Variants in ARL13B observed in about 807,000 individuals in gnomAD.
The protein encoded by ARL13B is ARF like GTPase 13B, also known as ADP-ribosylation factor-like protein 13B.
A neutral mutation model predicts 56.1 loss-of-function variants in ARL13B; 36 were observed. The observed-to-expected ratio is 0.64, with a 90% CI of 0.49 to 0.85. The LOEUF is 0.85. ARL13B is among the 40% of genes least tolerant of loss of function. The pLI, the probability that ARL13B is intolerant of heterozygous loss-of-function variation, is 0.00. For missense variants in ARL13B, 519 were observed against 507.1 expected (o/e 1.02, Z -0.23); for synonymous variants, 178 against 171.1 (o/e 1.04, Z -0.32).
chr3:94,033,277 C>T (rs1237347650), intron 3 of ARL13B, among the ~76,000 whole-genome samples: 1 of 152,062 alleles, frequency 6.6e-6, no homozygotes, highest in Non-Finnish European at 1.5e-5. Context: ...CATTATTAAG[C>T]TTATGGTTAC....
rs1387286949 is a variant in ARL13B at position 94,055,114 on chromosome 3, CTCAA to C, written c.*1852_*1855del. The C allele has an allele frequency of 2.7e-6, 1 of 365,482 alleles. No homozygotes were observed. The highest frequency in any genetic ancestry group is 2.2e-5 in the African/African-American group (1 of 46,080). The allele number at this position is 365,482 out of a possible 1,614,324, so 22.6% of individuals were successfully genotyped here. On this transcript the variant is annotated 3_prime_UTR_variant, in exon 10 of 10. Transcript: ENST00000394222. The stretch of plus-strand genomic sequence containing the variant: ...TAGAATTCACATTTTATATAGCTCT[CTCAA>C]AAATTAATTTTTATTCCTTAAGCAT...
chr3:94,051,446 T>C (rs2077065971), intron 9 of ARL13B, among the ~76,000 whole-genome samples: 1 of 152,104 alleles, frequency 6.6e-6, no homozygotes, highest in Admixed American at 6.5e-5. Context: ...AAGAGAACAG[T>C]TTTCTTTGAA....
At chr3:94,032,285 C>A (rs2076689404) in intron 3 of ARL13B, among the ~76,000 whole-genome samples, 1 of 152,196 alleles carries the variant, frequency 6.6e-6, no homozygotes, top group African/African-American at 2.4e-5. Flanking sequence ...AGATGGCCAA[C>A]AAGCATATGA....
intron 3 of ARL13B, among the ~76,000 whole-genome samples, chr3:94,024,827 A>G (rs1003347373): frequency 1.1e-4 from 17 of 152,090 alleles, no homozygotes; most frequent in Non-Finnish European, 2.4e-4. Context: ...GGCTCAAGCA[A>G]TCTTCCCACC....
Position 94,049,495 on chromosome 3 carries a change from C to T in ARL13B, c.1114C>T (p.Pro372Ser). The change falls in exon 8 of 10, where the codon CCA (proline) becomes TCA (serine). Residue 372 changes from proline (P) to serine (S), a missense_variant. Physicochemically the swap from Pro to Ser is moderately conservative, Grantham distance 74 (BLOSUM62 -1). Coordinates refer to ENST00000394222, the MANE Select transcript of ARL13B (RefSeq NM_001174150.2). Reference sequence around the variant, plus strand: ...TATAGATGACTGTGCTCCTGAGAGTCCAACGCCACCCCCACCCCCTCCTCC... The same window carrying T: ...TATAGATGACTGTGCTCCTGAGAGTTCAACGCCACCCCCACCCCCTCCTCC... ...LNIDDCAPES[P>S]TPPPPPPPVG... The T allele has an allele frequency of 6.2e-7, 1 of 1,610,448 alleles. No individual in the cohort carries two copies. The highest frequency in any genetic ancestry group is 8.5e-7 in the Non-Finnish European group (1 of 1,178,146).
At chr3:93,993,332 C>A (rs1311149014) in intron 1 of ARL13B, among the ~76,000 whole-genome samples, 1 of 151,604 alleles carries the variant, frequency 6.6e-6, no homozygotes, top group East Asian at 2.0e-4. Context: ...TGCCATGTTT[C>A]TCAGGCTGGT....
intron 1 of ARL13B, among the ~76,000 whole-genome samples, chr3:93,986,430 TTCTA>T (rs1667300592): frequency 1.3e-5 from 2 of 152,246 alleles, no homozygotes; most frequent in African/African-American, 4.8e-5. Flanking sequence ...ATTTTTTTCT[TTCTA>T]TCAATTTGTC....
intron 1 of ARL13B, among the ~76,000 whole-genome samples, chr3:93,991,349 T>G (rs1181935439): frequency 6.6e-6 from 1 of 152,200 alleles, no homozygotes; most frequent in Non-Finnish European, 1.5e-5. Context: ...TAATTTACCA[T>G]ATTTTTGTAT....
intron 3 of ARL13B, chr3:94,014,476 T>C (rs755079186): frequency 1.9e-6 from 3 of 1,607,786 alleles, no homozygotes; most frequent in Admixed American, 3.4e-5. Context: ...AAATTTCTCT[T>C]TAGTATTGTT....
At position 94,012,728 on chromosome 3, in the gene ARL13B, G is replaced by C. The variant is rs533111764; in HGVS notation, c.380+8820G>C. ...TTTATTCCTCTTTGATATTACTGTTGTTGCTGCCACCATCACCACCTCCTC... is the reference window on the plus strand; with the variant it reads ...TTTATTCCTCTTTGATATTACTGTTCTTGCTGCCACCATCACCACCTCCTC... On this transcript the variant is annotated intron_variant, in intron 3 of 9. Coordinates refer to ENST00000394222, the MANE Select transcript of ARL13B (RefSeq NM_001174150.2). Among the ~76,000 whole-genome samples, 9 of 152,092 alleles carry C rather than the reference G, an allele frequency of 5.9e-5. No individual in the cohort carries two copies. In the South Asian group the frequency reaches 1.9e-3, roughly 32 times the overall value.
At chr3:94,038,103 A>G (rs2076800911) in intron 5 of ARL13B, among the ~76,000 whole-genome samples, 1 of 152,224 alleles carries the variant, frequency 6.6e-6, no homozygotes, top group African/African-American at 2.4e-5. Flanking sequence ...AAAACAGTAA[A>G]ACATGCCAAG....
Position 94,053,764 on chromosome 3 carries a change from C to CT in ARL13B, c.*507dup. 3.4e-6 allele frequency: 1 copy of CT among 295,128 alleles called. No individual in the cohort carries two copies. Among genetic ancestry groups the CT allele is most frequent in the Admixed American group, 4.7e-5 (1 of 21,278 alleles). 18.3% of individuals were successfully genotyped at this position (295,128 alleles called of 1,614,324 possible). Reference sequence around the variant, plus strand: ...AATTACTGTGATATTGATTATACACCTTTTTTATAGATGATTTGTTTAAAT... The same window carrying CT: ...AATTACTGTGATATTGATTATACACCTTTTTTTATAGATGATTTGTTTAAAT... On this transcript the variant is annotated 3_prime_UTR_variant, in exon 10 of 10. Transcript: ENST00000394222.
At chr3:93,987,873 T>G (rs1286775954) in intron 1 of ARL13B, among the ~76,000 whole-genome samples, 2 of 152,112 alleles carry the variant, frequency 1.3e-5, no homozygotes, top group African/African-American at 4.8e-5. Context: ...CTCAATCTCC[T>G]GGGCTCAAGT....
chr3:94,030,744 A>T (rs2076662121), intron 3 of ARL13B, among the ~76,000 whole-genome samples: 1 of 152,178 alleles, frequency 6.6e-6, no homozygotes, highest in Non-Finnish European at 1.5e-5. Flanking sequence ...AACCACAAAG[A>T]TATGTTAACC....
At chr3:93,996,749 A>G (rs780847191) in intron 2 of ARL13B, 2 of 206,876 alleles carry the variant, frequency 9.7e-6, no homozygotes, top group South Asian at 6.2e-5. Flanking sequence ...TTTGTTGGGC[A>G]CCTAGAATGT....
At chr3:94,006,183 T>C (rs1211477722) in intron 3 of ARL13B, among the ~76,000 whole-genome samples, 1 of 152,050 alleles carries the variant, frequency 6.6e-6, no homozygotes, top group Non-Finnish European at 1.5e-5. Context: ...TAGTCCCAGC[T>C]ACTCGGGAGG....
chr3:94,008,831 C>G (rs2107458953), intron 3 of ARL13B, among the ~76,000 whole-genome samples: 1 of 152,212 alleles, frequency 6.6e-6, no homozygotes, highest in East Asian at 1.9e-4. Context: ...TGGAAGGTGC[C>G]ACTTTTCTCA....
chr3:94,041,120 C>A (rs2076853588), intron 6 of ARL13B, among the ~76,000 whole-genome samples: 1 of 151,462 alleles, frequency 6.6e-6, no homozygotes, highest in Admixed American at 6.6e-5. Context: ...CTTTTTTTCC[C>A]CACAAAACTT....
chr3:94,005,247 G>A (rs2076115437), intron 3 of ARL13B, among the ~76,000 whole-genome samples: 1 of 152,054 alleles, frequency 6.6e-6, no homozygotes, highest in African/African-American at 2.4e-5. Context: ...TGAGATAACA[G>A]ACTAAATATA....
Sources: allele counts gnomAD v4.1 joint callset (sites outside exome capture counted in the v4.1 genomes callset), GRCh38; gene constraint gnomAD v4.1.1; transcripts MANE v1.5; gene names NCBI Gene and HGNC (gene_info 2026-07-23, HGNC 2026-07-21).